Variants in WASF2 observed in about 807,000 individuals in gnomAD.
The protein encoded by WASF2 is actin-binding protein WASF2.
In WASF2, 14 loss-of-function variants were observed where a neutral mutation model predicts 45.0. The ratio of observed to expected loss-of-function variants is 0.31; its 90% CI spans 0.21 to 0.49. WASF2 has a LOEUF of 0.49. WASF2 is among the 20% of genes least tolerant of loss of function. The pLI, the probability that WASF2 is intolerant of heterozygous loss-of-function variation, is 0.99. For synonymous variants in WASF2, 200 were observed against 236.3 expected (o/e 0.85, Z 1.41); for missense variants, 439 against 636.1 (o/e 0.69, Z 3.33).
At chr1:27,416,207 C>G in intron 4 of WASF2, 105 bp from the exon 5 acceptor site, 1 of 943,864 alleles carries the variant, frequency 1.1e-6, no homozygotes, top group Non-Finnish European at 1.7e-6. Flanking sequence ...ACCAAGGAAT[C>G]AAGAAGTCAT....
intron 1 of WASF2, among the ~76,000 whole-genome samples, chr1:27,476,641 A>AT (rs1184095975): frequency 6.6e-6 from 1 of 152,098 alleles, no homozygotes; most frequent in African/African-American, 2.4e-5. Flanking sequence ...TAAGTAGACT[A>AT]TTTTTCCCCC....
At chr1:27,477,235 A>AT (rs60476345) in intron 1 of WASF2, among the ~76,000 whole-genome samples, 1 of 152,118 alleles carries the variant, frequency 6.6e-6, no homozygotes, top group Non-Finnish European at 1.5e-5. Context: ...ATGAGTACAG[A>AT]TTTTTTTTAA....
Position 27,418,442 on chromosome 1 carries a change from G to A in WASF2, c.266-20C>T, listed in dbSNP as rs746414247. On this transcript the variant is annotated intron_variant, in intron 3 of 8. Transcript: ENST00000618852. Reference sequence around the variant, plus strand: ...GTGACACTGAGAGAAGATGGAAGGCGTTAGAAAATGGACGACAGGCTATTT... The same window carrying A: ...GTGACACTGAGAGAAGATGGAAGGCATTAGAAAATGGACGACAGGCTATTT... 2.3e-5 allele frequency: 37 copies of A among 1,614,052 alleles called. No homozygotes were observed. Among genetic ancestry groups the A allele is most frequent in the Middle Eastern group, 1.6e-4 (1 of 6,084 alleles).
At chr1:27,417,172 A>AT (rs1330062986) in intron 4 of WASF2, among the ~76,000 whole-genome samples, 2 of 152,186 alleles carry the variant, frequency 1.3e-5, no homozygotes, top group African/African-American at 2.4e-5. Flanking sequence ...AATTCTCCTA[A>AT]TATCATTTGT....
intron 1 of WASF2, among the ~76,000 whole-genome samples, chr1:27,446,342 T>G (rs2148122343): frequency 6.6e-6 from 1 of 152,316 alleles, no homozygotes; most frequent in East Asian, 1.9e-4. Flanking sequence ...AAATACCACC[T>G]GCCCAAACTG....
intron 7 of WASF2, among the ~76,000 whole-genome samples, chr1:27,411,404 C>T (rs2016758697): frequency 6.6e-6 from 1 of 152,222 alleles, no homozygotes; most frequent in African/African-American, 2.4e-5. Context: ...TTTCATCCCC[C>T]TTTTCCCTTT....
chr1:27,412,744 T>C lies in WASF2; in HGVS notation c.669-17A>G. ...GGTGGATACCTGACAATGAACCGAA[T>C]GCCAAAAACTGTCATTTAAAGAGCC... is the stretch of plus-strand genomic sequence containing the variant. On this transcript the variant is annotated splice_polypyrimidine_tract_variant and intron_variant, in intron 6 of 8. Coordinates refer to ENST00000618852, the MANE Select transcript of WASF2 (RefSeq NM_006990.5). 1 of 1,613,754 alleles carries C rather than the reference T, an allele frequency of 6.2e-7. No individual in the cohort carries two copies. Among genetic ancestry groups the C allele is most frequent in the Non-Finnish European group, 8.5e-7 (1 of 1,179,610 alleles).
At chr1:27,423,902 G>A (rs2016942306) in intron 2 of WASF2, among the ~76,000 whole-genome samples, 1 of 152,138 alleles carries the variant, frequency 6.6e-6, no homozygotes, top group Admixed American at 6.5e-5. Context: ...CCACACTGCA[G>A]TCAGTTAGAA....
intron 1 of WASF2, among the ~76,000 whole-genome samples, chr1:27,462,534 G>A (rs2017559825): frequency 6.6e-6 from 1 of 152,046 alleles, no homozygotes; most frequent in Non-Finnish European, 1.5e-5. Context: ...TCAAATTCCT[G>A]GGCTCAAGCG....
chr1:27,418,923 A>T (rs748268373), intron 3 of WASF2, 31 bp downstream of exon 3: 1 of 1,600,626 alleles, frequency 6.2e-7, no homozygotes, highest in South Asian at 1.1e-5. Context: ...TGCTCAGCAG[A>T]GCCTGCAAAT....
At chr1:27,457,621 CTT>C (rs759707887) in intron 1 of WASF2, among the ~76,000 whole-genome samples, 26 of 140,148 alleles carry the variant, frequency 1.9e-4, no homozygotes, top group Non-Finnish European at 1.7e-4. Flanking sequence ...ATATTGTGAC[CTT>C]TTTTTTTTTT....
intron 1 of WASF2, among the ~76,000 whole-genome samples, chr1:27,464,475 TA>T (rs951963801): frequency 3.3e-5 from 5 of 151,350 alleles, no homozygotes; most frequent in African/African-American, 7.3e-5. Flanking sequence ...TCTGTGAGGT[TA>T]AAAAAAAACA....
chr1:27,464,631 C>A (rs966946019), intron 1 of WASF2, among the ~76,000 whole-genome samples: 1 of 152,192 alleles, frequency 6.6e-6, no homozygotes, highest in Non-Finnish European at 1.5e-5. Context: ...TCAATATACA[C>A]AATTATCTGA....
rs183023188 is a variant in WASF2, at chr1:27,467,973, G to A, written c.-44+22013C>T. Among the ~76,000 whole-genome samples, 515 of 151,046 alleles carry A rather than the reference G, an allele frequency of 3.4e-3. 3 individuals carry two copies. Among genetic ancestry groups the A allele is most frequent in the African/African-American group, 0.012 (494 of 41,066 alleles). ...TTTTGAGACAGGGTCTCACTCTGTC[G>A]CCCAGTCTGGAGTGTAGTAGCACAA... On this transcript the variant is annotated intron_variant, in intron 1 of 8. Transcript: ENST00000618852.
chr1:27,462,712 T>C lies in WASF2; in HGVS notation c.-44+27274A>G, dbSNP rs11802615. On this transcript the variant is annotated intron_variant, in intron 1 of 8. Coordinates refer to ENST00000618852, the MANE Select transcript of WASF2 (RefSeq NM_006990.5). ...GTATATCAGTTTCCCCATCTATAAA[T>C]TGGAGATTAATAATAGCACCTACTT... Among the ~76,000 whole-genome samples the C allele has an allele frequency of 7.8e-3, 1,184 of 152,276 alleles. 15 individuals are homozygous for C. The highest frequency in any genetic ancestry group is 0.026 in the African/African-American group (1,082 of 41,558).
Position 27,418,434 on chromosome 1 carries a change from T to G in WASF2, c.266-12A>C, listed in dbSNP as rs1013471858. The stretch of plus-strand genomic sequence containing the variant: ...TCCTTGCAGTGACACTGAGAGAAGA[T>G]GGAAGGCGTTAGAAAATGGACGACA... On this transcript the variant is annotated splice_polypyrimidine_tract_variant and intron_variant, in intron 3 of 8. Transcript: ENST00000618852. The G allele has an allele frequency of 1.9e-6, 3 of 1,614,088 alleles. No individual in the cohort carries two copies. Among genetic ancestry groups the G allele is most frequent in the Non-Finnish European group, 2.5e-6 (3 of 1,180,038 alleles).
chr1:27,446,988 G>A (rs1001762074), intron 1 of WASF2, among the ~76,000 whole-genome samples: 1 of 151,700 alleles, frequency 6.6e-6, no homozygotes, highest in Admixed American at 6.6e-5. Flanking sequence ...TATTTTCTTG[G>A]TGACCAATGG....
At chr1:27,469,923 G>A (rs1298579280) in intron 1 of WASF2, among the ~76,000 whole-genome samples, 1 of 151,914 alleles carries the variant, frequency 6.6e-6, no homozygotes, top group Non-Finnish European at 1.5e-5. Flanking sequence ...CAGAGTGGGC[G>A]ACAGAATGAG....
chr1:27,426,738 G>C (rs1277316830), intron 2 of WASF2, among the ~76,000 whole-genome samples: 4 of 151,906 alleles, frequency 2.6e-5, no homozygotes, highest in Non-Finnish European at 5.9e-5. Context: ...TAGAACTCCT[G>C]ACCTCAAGTG....
Sources: allele counts gnomAD v4.1 joint callset (sites outside exome capture counted in the v4.1 genomes callset), GRCh38; gene constraint gnomAD v4.1.1; transcripts MANE v1.5; gene names NCBI Gene and HGNC (gene_info 2026-07-23, HGNC 2026-07-21).